Variants in HTT observed in about 807,000 individuals in gnomAD.
HTT encodes huntingtin, also known as huntington disease protein.
Under a neutral mutation model 362.3 loss-of-function variants are expected in HTT, and 104 were observed. That is an observed-to-expected ratio of 0.29 (90% confidence interval 0.24 to 0.34). HTT has a LOEUF of 0.34. Ranked by LOEUF, HTT falls within the 10% of genes least tolerant of loss-of-function variation. The pLI, the probability that HTT is intolerant of heterozygous loss-of-function variation, is 1.00. For missense variants in HTT, 3,301 were observed against 3,928.6 expected (o/e 0.84, Z 4.27); for synonymous variants, 1,577 against 1,548.7 (o/e 1.02, Z -0.43).
intron 29 of HTT, among the ~76,000 whole-genome samples, chr4:3,165,570 T>C (rs1425866869): frequency 2.0e-5 from 3 of 152,178 alleles, no homozygotes; most frequent in Non-Finnish European, 2.9e-5. Flanking sequence ...GATTTGGTCT[T>C]TTCACATAGT....
intron 39 of HTT, chr4:3,188,737 C>G: frequency 2.0e-6 from 1 of 511,824 alleles, no homozygotes. Flanking sequence ...TAAAAAAATG[C>G]TACCTGCCAT....
chr4:3,242,045 TG>T lies in HTT; in HGVS notation c.*1988del, dbSNP rs5855774. 31,987 of 152,160 alleles carry T rather than the reference TG, an allele frequency of 0.21. 5,487 individuals carry two copies. Among genetic ancestry groups the T allele is most frequent in the African/African-American group, 0.48 (19,759 of 41,440 alleles). 9.4% of individuals were successfully genotyped at this position (152,160 alleles called of 1,614,324 possible). ...ACGAGGGGAAAGTTCTCAGAACTGT[TG>T]GCTGCTCCCCACCCGCCTCCCGCCT... On this transcript the variant is annotated 3_prime_UTR_variant, in exon 67 of 67. Transcript: ENST00000355072.
At chr4:3,080,676 A>C (rs1488301463) in intron 1 of HTT, among the ~76,000 whole-genome samples, 1 of 152,240 alleles carries the variant, frequency 6.6e-6, no homozygotes, top group Non-Finnish European at 1.5e-5. Flanking sequence ...ATCATTGTCT[A>C]ATCCAAAGTC....
rs770329296 is a variant in HTT at position 3,186,583 on chromosome 4, G to A, written c.4867-14G>A. 8.3e-5 allele frequency: 133 copies of A among 1,609,698 alleles called. No individual in the cohort carries two copies. The East Asian group carries it at 2.9e-3, about 35-fold the overall frequency. On this transcript the variant is annotated splice_polypyrimidine_tract_variant and intron_variant, in intron 37 of 66. Coordinates refer to ENST00000355072, the MANE Select transcript of HTT (RefSeq NM_001388492.1). ...TGGCTTACGTAGAAATGTTTGTGGTGTCTAATTCCACAGATGCACATTGAC... is the reference window on the plus strand; with the variant it reads ...TGGCTTACGTAGAAATGTTTGTGGTATCTAATTCCACAGATGCACATTGAC...
In HTT at chr4:3,228,486, C is replaced by G; in HGVS notation, c.7849-129C>G. 1.3e-5 allele frequency: 14 copies of G among 1,091,050 alleles called. No homozygotes were observed. The highest frequency in any genetic ancestry group is 1.8e-5 in the Non-Finnish European group (14 of 789,692). 67.6% of individuals were successfully genotyped at this position (1,091,050 alleles called of 1,614,324 possible). On this transcript the variant is annotated intron_variant, in intron 57 of 66. Transcript: ENST00000355072. The surrounding 1 kb of genome is among the most constrained non-coding windows in gnomAD (Gnocchi z 4.3). ...CTCCCTTGCCCGTAACCTGGGGTGT[C>G]TGAACGACCCTTGCTAAGGGGCAGA...
At chr4:3,186,092 A>AG (rs1272319870) in intron 37 of HTT, among the ~76,000 whole-genome samples, 1 of 152,142 alleles carries the variant, frequency 6.6e-6, no homozygotes, top group African/African-American at 2.4e-5. Context: ...TCTGTGGGTG[A>AG]GGGGGCAAGG....
intron 31 of HTT, among the ~76,000 whole-genome samples, chr4:3,174,433 C>T (rs181622886): frequency 6.6e-6 from 1 of 152,336 alleles, no homozygotes; most frequent in East Asian, 1.9e-4. Flanking sequence ...TCACTTAAGA[C>T]TGGGCTGAGT....
In HTT at chr4:3,131,180, C is replaced by T. The variant is rs946577453; in HGVS notation, c.1987-106C>T. ...GCACAAACCAGGGCATCTCTTTATC[C>T]CCAGCACCTGGCTTAAGTGCTGCTC... is the stretch of plus-strand genomic sequence containing the variant. On this transcript the variant is annotated intron_variant, in intron 14 of 66. Transcript: ENST00000355072. 11 of 834,224 alleles carry T rather than the reference C, an allele frequency of 1.3e-5. No individual in the cohort carries two copies. In the African/African-American group the frequency reaches 1.3e-4, roughly 10 times the overall value. 51.7% of individuals were successfully genotyped at this position (834,224 alleles called of 1,614,324 possible). A position where few individuals can be genotyped will look rare whatever the true frequency, so the allele number is the denominator to read the frequency against.
Position 3,189,063 on chromosome 4 carries a change from C to T in HTT, c.5338C>T (p.Leu1780=), listed in dbSNP as rs182113414. ...TFYCQELGTL[L]MCLIHIFKSG... is the part of the protein sequence containing the mutation. Reference sequence around the variant, plus strand: ...CTATTGCCAGGAACTAGGCACACTGCTAATGTGTCTGATCCACATCTTCAA... The same window carrying T: ...CTATTGCCAGGAACTAGGCACACTGTTAATGTGTCTGATCCACATCTTCAA... The change falls in exon 40 of 67, where the codon CTA becomes TTA. Residue 1780 remains leucine, a synonymous_variant. Transcript: ENST00000355072. 2 of 1,614,058 alleles carry T rather than the reference C, an allele frequency of 1.2e-6. No homozygotes were observed. The highest frequency in any genetic ancestry group is 4.5e-5 in the East Asian group (2 of 44,890).
chr4:3,093,821 T>A (rs1431102040), intron 2 of HTT, among the ~76,000 whole-genome samples: 3 of 150,666 alleles, frequency 2.0e-5, no homozygotes, highest in African/African-American at 7.3e-5. Flanking sequence ...CAGTTCTCAT[T>A]TAGAGCCTAC....
At chr4:3,203,962 A>G (rs369194260) in intron 41 of HTT, 45 bp from the exon 42 acceptor site, 101 of 1,601,682 alleles carry the variant, frequency 6.3e-5, no homozygotes, top group Non-Finnish European at 7.2e-5. Flanking sequence ...AAATAAGCTC[A>G]CTGCCATCCA....
At chr4:3,123,276 A>G (rs1482818735) in intron 10 of HTT, 2 of 200,074 alleles carry the variant, frequency 1.0e-5, no homozygotes, top group African/African-American at 2.3e-5. Flanking sequence ...CTTTTGCAAC[A>G]TTCAGCTCTG....
At chr4:3,199,142 T>C (rs955222515) in intron 40 of HTT, among the ~76,000 whole-genome samples, 2 of 152,248 alleles carry the variant, frequency 1.3e-5, no homozygotes, top group African/African-American at 4.8e-5. Context: ...GTTCAGACTT[T>C]CGCAGCTCTT....
rs1273922190 is a variant in HTT, at chr4:3,223,395, T to C, written c.7471-11T>C. 1.3e-6 allele frequency: 2 copies of C among 1,567,026 alleles called. No homozygotes were observed. The highest frequency in any genetic ancestry group is 8.7e-7 in the Non-Finnish European group (1 of 1,154,440). On this transcript the variant is annotated splice_polypyrimidine_tract_variant and intron_variant, in intron 54 of 66. Coordinates refer to ENST00000355072, the MANE Select transcript of HTT (RefSeq NM_001388492.1). ...TTGCTGCTCTTGTTGACATGTGGGC[T>C]CTCCTTCCAGGAAGACACAGAGAGG...
chr4:3,153,446 C>T (rs1218313805), intron 26 of HTT, among the ~76,000 whole-genome samples: 1 of 152,140 alleles, frequency 6.6e-6, no homozygotes, highest in Non-Finnish European at 1.5e-5. Context: ...ATGATGGCTG[C>T]CTCCTAGAGC....
At chr4:3,229,642 C>T (rs1387884824) in intron 59 of HTT, among the ~76,000 whole-genome samples, 2 of 151,648 alleles carry the variant, frequency 1.3e-5, no homozygotes, top group African/African-American at 2.4e-5. Context: ...ACACCACATG[C>T]GCACACACAC....
Position 3,134,425 on chromosome 4 carries a change from A to G in HTT, c.2518A>G (p.Ser840Gly). 1 of 1,614,064 alleles carries G rather than the reference A, an allele frequency of 6.2e-7. No individual in the cohort carries two copies. The highest frequency in any genetic ancestry group is 1.1e-5 in the South Asian group (1 of 91,066). The change falls in exon 19 of 67, where the codon AGC becomes GGC. Residue 840 changes from serine to glycine, a missense_variant. Ser to Gly is a moderately conservative substitution (Grantham distance 56, BLOSUM62 0). Coordinates refer to ENST00000355072, the MANE Select transcript of HTT (RefSeq NM_001388492.1). ...GAACTGTGTCATGAGTCTCTGCAGC[A>G]GCAGCTACAGTGAGTTAGGACTGCA... ...VRNCVMSLCSSSYSELGLQLI... is the reference protein window; with the variant it reads ...VRNCVMSLCSGSYSELGLQLI...
chr4:3,093,463 C>T (rs140756268), intron 2 of HTT, among the ~76,000 whole-genome samples: 1 of 152,264 alleles, frequency 6.6e-6, no homozygotes, highest in East Asian at 1.9e-4. Context: ...GCTGGAAGAG[C>T]AGAAATTGAC....
At chr4:3,109,840 G>A (rs1008191297) in intron 6 of HTT, among the ~76,000 whole-genome samples, 2 of 152,086 alleles carry the variant, frequency 1.3e-5, no homozygotes, top group Non-Finnish European at 2.9e-5. Flanking sequence ...CCTACTCATA[G>A]GCCAGGCCCC....
Sources: gnomAD v4.1 joint callset for allele counts (sites outside exome capture counted in the v4.1 genomes callset) on GRCh38, gnomAD v4.1.1 for gene constraint, Gnocchi (gnomAD v3.1) non-coding constraint, MANE v1.5 for transcripts, NCBI Gene and HGNC (gene_info 2026-07-23, HGNC 2026-07-21) for gene names.